The following ARHGAP28 variants were observed in gnomAD, a reference collection of about 807,000 sequenced individuals.
ARHGAP28 encodes rho GTPase-activating protein 28.
ARHGAP28 carries 56 observed loss-of-function variants against 90.7 expected under a neutral mutation model. That is an observed-to-expected ratio of 0.62 (90% CI 0.50 to 0.77). The LOEUF (loss-of-function observed/expected upper bound fraction) is 0.77, where lower values mean the gene tolerates loss of function less well. Among genes scored for constraint, ARHGAP28 ranks in the 30% least tolerant of loss-of-function variants. ARHGAP28 has a pLI of 0.00. For missense variants in ARHGAP28, 869 were observed against 900.9 expected, an observed-to-expected ratio of 0.96 and a Z score of 0.45; for synonymous variants, 308 against 323.3, an observed-to-expected ratio of 0.95 and a Z score of 0.51.
chr18:6,894,105 G>T (rs1333707538), intron 14 of ARHGAP28, among the ~76,000 whole-genome samples: 1 of 152,068 alleles, frequency 6.6e-6, no homozygotes, highest in Non-Finnish European at 1.5e-5. Flanking sequence ...CCGATCTCAT[G>T]ATCTCCCTAC....
chr18:6,900,275 T>C (rs2057331545), intron 16 of ARHGAP28, among the ~76,000 whole-genome samples: 1 of 135,344 alleles, frequency 7.4e-6, no homozygotes, highest in South Asian at 2.6e-4. Context: ...CAACCCAAAA[T>C]CACTCATAAA....
chr18:6,851,072 T>C lies in ARHGAP28; in HGVS notation c.582T>C (p.Asp194=). ...DTCGNHTNQL[D]GTKEERELPR... is the part of the protein sequence containing the mutation. ...GTGGCAACCACACTAATCAGCTGGA[T>C]GGCACCAAGGAAGAAAGAGAGCTTC... Residue 194 remains aspartate, a synonymous_variant, in exon 4 of 18, where the codon GAT becomes GAC. Coordinates refer to ENST00000383472, the MANE Select transcript of ARHGAP28 (RefSeq NM_001366230.1). 6.2e-7 allele frequency: 1 copy of C among 1,614,116 alleles called. No individual in the cohort carries two copies. Among genetic ancestry groups the C allele is most frequent in the Non-Finnish European group, 8.5e-7 (1 of 1,179,992 alleles).
At chr18:6,736,691 G>A (rs1463774720) in intron 1 of ARHGAP28, among the ~76,000 whole-genome samples, 3 of 148,384 alleles carry the variant, frequency 2.0e-5, no homozygotes, top group African/African-American at 7.5e-5. Context: ...AGGTTGTGGT[G>A]AGCCAAGATC....
At chr18:6,897,443 A>G (rs937808629) in intron 16 of ARHGAP28, 4 of 152,232 alleles carry the variant, frequency 2.6e-5, no homozygotes, top group African/African-American at 9.6e-5. Context: ...CAAATCTGCC[A>G]TGATCACCTT....
Position 6,873,449 on chromosome 18 carries a change from C to T in ARHGAP28, c.995C>T (p.Ala332Val), listed in dbSNP as rs920150375. ...AAAACCAGATTTGGCTTAACTGAAG[C>T]AGGAGATCTGTCTGCTGAAGACATG... The part of the protein sequence containing the change: ...VQKTRFGLTE[A>V]GDLSAEDMKK... Residue 332 changes from alanine to valine, a missense_variant, in exon 8 of 18, where the codon GCA (alanine) becomes GTA (valine). Ala to Val is a moderately conservative substitution (Grantham distance 64). Transcript: ENST00000383472. 1.2e-6 allele frequency: 2 copies of T among 1,612,994 alleles called. No homozygotes were observed. Among genetic ancestry groups the T allele is most frequent in the Non-Finnish European group, 1.7e-6 (2 of 1,179,788 alleles).
At chr18:6,777,391 G>C (rs2056292471) in intron 1 of ARHGAP28, among the ~76,000 whole-genome samples, 1 of 152,132 alleles carries the variant, frequency 6.6e-6, no homozygotes, top group Admixed American at 6.5e-5. Flanking sequence ...AACACAACTT[G>C]ACATACTGAA....
intron 1 of ARHGAP28, among the ~76,000 whole-genome samples, chr18:6,755,440 G>T (rs934237164): frequency 6.6e-6 from 1 of 152,162 alleles, no homozygotes; most frequent in Non-Finnish European, 1.5e-5. Context: ...GTGTTTAAAG[G>T]CAGGAAGAGG....
intron 1 of ARHGAP28, chr18:6,790,202 G>A (rs576669532): frequency 6.6e-6 from 1 of 152,120 alleles, no homozygotes; most frequent in African/African-American, 2.4e-5. Flanking sequence ...TAACATTTTT[G>A]GGCATAAAGT....
chr18:6,779,149 A>T (rs1232881877), intron 1 of ARHGAP28: 5 of 152,174 alleles, frequency 3.3e-5, no homozygotes, highest in Non-Finnish European at 7.3e-5. Flanking sequence ...TGCAGAGCCT[A>T]GGCCTTTTCA....
chr18:6,799,456 C>T lies in ARHGAP28; in HGVS notation c.123-25306C>T, dbSNP rs146664700. Among the ~76,000 whole-genome samples, 552 of 152,094 alleles carry T rather than the reference C, an allele frequency of 3.6e-3. 2 individuals carry two copies. Among genetic ancestry groups the T allele is most frequent in the African/African-American group, 0.012 (498 of 41,496 alleles). On this transcript the variant is annotated intron_variant, in intron 1 of 17. Transcript: ENST00000383472. ...CAATCCTAAGCAAAAAGAACAAAGC[C>T]GGAGGCATCACGCTACCTGACTTCA...
chr18:6,839,497 C>T (rs1236607814), intron 3 of ARHGAP28, among the ~76,000 whole-genome samples: 8 of 152,088 alleles, frequency 5.3e-5, no homozygotes, highest in African/African-American at 1.9e-4. Flanking sequence ...CAGGGTTTCA[C>T]CCTGTTAGCC....
Position 6,843,679 on chromosome 18 carries a change from A to T in ARHGAP28, c.543+6265A>T, listed in dbSNP as rs985306478. Among the ~76,000 whole-genome samples, 8 of 152,248 alleles carry T rather than the reference A, an allele frequency of 5.3e-5. No homozygotes were observed. In the South Asian group the frequency reaches 6.2e-4, roughly 12 times the overall value. ...CTGTGCATTTTGCTATCTTGATTGA[A>T]TTTTCTTGTGCTGATTTTTCAGTAG... is the stretch of plus-strand genomic sequence containing the variant. On this transcript the variant is annotated intron_variant, in intron 3 of 17. Coordinates refer to ENST00000383472, the MANE Select transcript of ARHGAP28 (RefSeq NM_001366230.1).
At chr18:6,840,242 G>A (rs929282613) in intron 3 of ARHGAP28, among the ~76,000 whole-genome samples, 1 of 152,190 alleles carries the variant, frequency 6.6e-6, no homozygotes, top group Non-Finnish European at 1.5e-5. Flanking sequence ...CATCTTGAGA[G>A]GGTCCTAAAA....
In ARHGAP28 at chr18:6,860,005, T is replaced by G; in HGVS notation, c.726+108T>G. ...AATTCTTTAAAACATTAAAAAATAC[T>G]TGAGCTAAGATTGCAAGGAAACCAC... On this transcript the variant is annotated intron_variant, in intron 5 of 17. Transcript: ENST00000383472. 4.1e-6 allele frequency: 4 copies of G among 971,554 alleles called. No homozygotes were observed. In the East Asian group the frequency reaches 9.9e-5, roughly 24 times the overall value. The allele number at this position is 971,554 out of a possible 1,614,324, so 60.2% of individuals were successfully genotyped here. A position where few individuals can be genotyped will look rare whatever the true frequency, so the allele number is the denominator to read the frequency against.
intron 16 of ARHGAP28, chr18:6,897,677 A>G (rs2057314129): frequency 6.6e-6 from 1 of 152,238 alleles, no homozygotes; most frequent in Non-Finnish European, 1.5e-5. Flanking sequence ...AAAAGTTAAC[A>G]TATTGCATGA....
chr18:6,799,542 C>A (rs1237255358), intron 1 of ARHGAP28, among the ~76,000 whole-genome samples: 1 of 152,082 alleles, frequency 6.6e-6, no homozygotes, highest in Admixed American at 6.5e-5. Flanking sequence ...ATATATAGAC[C>A]AAAGGAACAG....
intron 1 of ARHGAP28, among the ~76,000 whole-genome samples, chr18:6,765,404 A>C (rs1227877657): frequency 6.6e-6 from 1 of 152,026 alleles, no homozygotes; most frequent in African/African-American, 2.4e-5. Context: ...TAAGCTGTTG[A>C]ATTTCTTGGC....
At chr18:6,780,299 G>GA (rs796987162) in intron 1 of ARHGAP28, among the ~76,000 whole-genome samples, 120 of 148,956 alleles carry the variant, frequency 8.1e-4, no homozygotes, top group African/African-American at 2.5e-3. Context: ...AATATTTGGG[G>GA]AAAAAAAAAC....
At chr18:6,907,835 G>T (rs958090567) in intron 16 of ARHGAP28, among the ~76,000 whole-genome samples, 1 of 152,116 alleles carries the variant, frequency 6.6e-6, no homozygotes, top group Non-Finnish European at 1.5e-5. Flanking sequence ...GGATGCACCT[G>T]TATTACTTCT....
Sources: allele counts gnomAD v4.1 joint callset (sites outside exome capture counted in the v4.1 genomes callset), GRCh38; gene constraint gnomAD v4.1.1; transcripts MANE v1.5; gene names NCBI Gene and HGNC (gene_info 2026-07-23, HGNC 2026-07-21).